CRACR2A: variants seen among roughly 807,000 people sequenced by gnomAD.
CRACR2A encodes the protein EF-hand calcium-binding domain-containing protein 4B.
Under a neutral mutation model 90.5 loss-of-function variants are expected in CRACR2A, and 79 were observed. The observed-to-expected ratio is 0.87, with a 90% confidence interval of 0.73 to 1.05. The LOEUF (loss-of-function observed/expected upper bound fraction) is 1.05. Ranked by LOEUF, CRACR2A falls within the 50% of genes least tolerant of loss-of-function variation. The probability of loss-of-function intolerance (pLI) is 0.00; values close to 1 mark genes in which losing one functional copy is unlikely to be tolerated. For synonymous variants in CRACR2A, 338 were observed against 356.7 expected, an observed-to-expected ratio of 0.95 and a Z score of 0.59; for missense variants, 823 against 897.2, an observed-to-expected ratio of 0.92 and a Z score of 1.06.
At chr12:3,667,815 T>A (rs1328229569) in intron 7 of CRACR2A, among the ~76,000 whole-genome samples, 2 of 152,218 alleles carry the variant, frequency 1.3e-5, no homozygotes, top group African/African-American at 4.8e-5. Context: ...TCTCTCTCCA[T>A]CTCCATCTCT....
intron 12 of CRACR2A, among the ~76,000 whole-genome samples, chr12:3,643,987 A>G (rs1944637001): frequency 7.4e-6 from 1 of 135,710 alleles, no homozygotes; most frequent in African/African-American, 2.7e-5. Context: ...CGTTAATACT[A>G]GAGGTGGAGA....
At chr12:3,734,655 A>ATGTGTG (rs1475033071) in intron 1 of CRACR2A, among the ~76,000 whole-genome samples, 123 of 74,752 alleles carry the variant, frequency 1.6e-3, no homozygotes, top group African/African-American at 5.1e-3. Context: ...GTGTGTGTGC[A>ATGTGTG]TATACATAAT....
chr12:3,666,341 G>GTTTGTGTGTGTGTGTGTT (rs10633783), intron 7 of CRACR2A, among the ~76,000 whole-genome samples: 1 of 139,676 alleles, frequency 7.2e-6, no homozygotes, highest in Admixed American at 7.0e-5. Context: ...GTGTGTGTGT[G>GTTTGTGTGTGTGTGTGTT]TGTGTGTGTG....
Position 3,696,898 on chromosome 12 carries a change from G to C in CRACR2A, c.102C>G (p.Asp34Glu). 6.2e-7 allele frequency: 1 copy of C among 1,614,224 alleles called. No individual in the cohort carries two copies. Among genetic ancestry groups the C allele is most frequent in the Non-Finnish European group, 8.5e-7 (1 of 1,180,042 alleles). ...CCTGAGTCTCCTTCTGCTCCAGGCTGTCCAGGGGATGCAGGCAGGCTCCAC... is the reference window on the plus strand; with the variant it reads ...CCTGAGTCTCCTTCTGCTCCAGGCTCTCCAGGGGATGCAGGCAGGCTCCAC... ...KGSGACLHPL[D>E]SLEQKETQEQ... The change falls in exon 4 of 20, where the codon GAC (aspartate) becomes GAG (glutamate). Residue 34 changes from aspartate to glutamate, a missense_variant. Asp to Glu is a conservative substitution (Grantham distance 45). Transcript: ENST00000440314.
chr12:3,677,928 T>A (rs242024), intron 6 of CRACR2A, among the ~76,000 whole-genome samples: 16,534 of 152,194 alleles, frequency 0.11, 1,044 homozygotes, highest in African/African-American at 0.16. Context: ...TGCTGAAAAA[T>A]TCACAGAGCT....
At chr12:3,672,053 C>T (rs978270380) in intron 7 of CRACR2A, among the ~76,000 whole-genome samples, 2 of 152,184 alleles carry the variant, frequency 1.3e-5, no homozygotes, top group Admixed American at 1.3e-4. Context: ...GGGAGCCTCT[C>T]CCCAGAATGT....
chr12:3,644,676 AGTTT>A (rs1944654058), intron 11 of CRACR2A, 36 bp from the exon 12 acceptor site: 6 of 1,549,356 alleles, frequency 3.9e-6, no homozygotes, highest in Non-Finnish European at 5.2e-6. Flanking sequence ...TCAAACATGG[AGTTT>A]GCAGTTGACA....
At chr12:3,623,299 A>C (rs1157190937) in intron 17 of CRACR2A, among the ~76,000 whole-genome samples, 1 of 152,162 alleles carries the variant, frequency 6.6e-6, no homozygotes, top group Non-Finnish European at 1.5e-5. Context: ...TCCAGCTCGG[A>C]AACACTGGTC....
In CRACR2A at chr12:3,721,399, A is replaced by G. The variant is rs545980005; in HGVS notation, c.-117-8082T>C. Among the ~76,000 whole-genome samples the G allele has an allele frequency of 1.5e-4, 23 of 151,788 alleles. 1 individual carries two copies. In the South Asian group the frequency reaches 4.0e-3, roughly 26 times the overall value. ...AAAAAAAAAGAAAGAAAGAAAAGAA[A>G]GAAAGAAGGAAAGAAAGAAAAAGAG... is the stretch of plus-strand genomic sequence containing the variant. On this transcript the variant is annotated intron_variant, in intron 2 of 19. Coordinates refer to ENST00000440314, the MANE Select transcript of CRACR2A (RefSeq NM_001144958.2).
chr12:3,708,668 G>A (rs928837401), intron 3 of CRACR2A, among the ~76,000 whole-genome samples: 4 of 152,088 alleles, frequency 2.6e-5, no homozygotes, highest in South Asian at 2.1e-4. Context: ...CTCGTGATCC[G>A]CCGGCCTCGG....
At chr12:3,622,176 G>A (rs138651664) in intron 17 of CRACR2A, among the ~76,000 whole-genome samples, 2 of 152,324 alleles carry the variant, frequency 1.3e-5, no homozygotes, top group East Asian at 3.9e-4. Context: ...CAAGCCCCTA[G>A]GGCTTTGGTG....
At chr12:3,669,623 C>T (rs550016262) in intron 7 of CRACR2A, among the ~76,000 whole-genome samples, 1 of 152,308 alleles carries the variant, frequency 6.6e-6, no homozygotes, top group East Asian at 1.9e-4. Flanking sequence ...AAATTCATGG[C>T]TGTGAGTGAG....
chr12:3,666,375 G>A (rs923200821), intron 7 of CRACR2A, among the ~76,000 whole-genome samples: 21 of 152,042 alleles, frequency 1.4e-4, no homozygotes, highest in African/African-American at 2.7e-4. Context: ...GCGCGTGCGC[G>A]CGCACGCGCG....
chr12:3,672,958 G>C (rs910642001), intron 7 of CRACR2A: 3 of 213,316 alleles, frequency 1.4e-5, no homozygotes, highest in East Asian at 3.7e-4. Flanking sequence ...TGCAAAGTGG[G>C]CTGATCTGGC....
intron 10 of CRACR2A, among the ~76,000 whole-genome samples, chr12:3,650,250 C>T (rs1944771422): frequency 6.6e-6 from 1 of 152,214 alleles, no homozygotes. Flanking sequence ...CACCAACATG[C>T]TGGCCCACAG....
At chr12:3,660,090 C>T (rs971758114) in intron 7 of CRACR2A, among the ~76,000 whole-genome samples, 15 of 152,140 alleles carry the variant, frequency 9.9e-5, no homozygotes, top group African/African-American at 1.7e-4. Flanking sequence ...TTTCCTGTTC[C>T]GTTTCCTGGT....
intron 4 of CRACR2A, among the ~76,000 whole-genome samples, chr12:3,694,045 G>C (rs1043795218): frequency 6.6e-6 from 1 of 152,144 alleles, no homozygotes; most frequent in Admixed American, 6.5e-5. Flanking sequence ...GTTGTTGGGG[G>C]CTGGGAATGA....
intron 5 of CRACR2A, among the ~76,000 whole-genome samples, chr12:3,679,742 G>A (rs992997350): frequency 6.6e-6 from 1 of 152,124 alleles, no homozygotes; most frequent in Non-Finnish European, 1.5e-5. Context: ...CATAGATCTC[G>A]ATTCTTCTTC....
intron 7 of CRACR2A, among the ~76,000 whole-genome samples, chr12:3,662,871 G>A (rs1190099764): frequency 6.6e-6 from 1 of 152,156 alleles, no homozygotes; most frequent in Non-Finnish European, 1.5e-5. Context: ...TGCCATCAGG[G>A]GAAAGAGACA....
Sources: allele counts gnomAD v4.1 joint callset (sites outside exome capture counted in the v4.1 genomes callset), GRCh38; gene constraint gnomAD v4.1.1; transcripts MANE v1.5; gene names NCBI Gene and HGNC (gene_info 2026-07-23, HGNC 2026-07-21).